Variants in BAZ2A observed in about 807,000 individuals in gnomAD.
BAZ2A encodes the protein bromodomain adjacent to zinc finger domain protein 2A.
BAZ2A carries 34 observed loss-of-function variants against 199.9 expected under a neutral mutation model. The observed-to-expected ratio is 0.17, with a 90% CI of 0.13 to 0.23. The LOEUF (loss-of-function observed/expected upper bound fraction) is 0.23, where lower values mean the gene tolerates loss of function less well. Among genes scored for constraint, BAZ2A ranks in the 10% least tolerant of loss-of-function variants. The pLI, the probability that BAZ2A is intolerant of heterozygous loss-of-function variation, is 1.00. For synonymous variants in BAZ2A, 857 were observed against 883.9 expected, an observed-to-expected ratio of 0.97 and a Z score of 0.54; for missense variants, 2,002 against 2,391.1, an observed-to-expected ratio of 0.84 and a Z score of 3.39.
chr12:56,613,106 G>A lies in BAZ2A; in HGVS notation c.1044C>T (p.Ala348=), dbSNP rs536685670. ...GACTATCATCTGCCAGGAGACTGAA[G>A]GCAGTAGCATTATTGAGGGAAGGGC... ...LDCPSLNNAT[A]FSLLADDSQT... Residue 348 remains alanine (A), a synonymous_variant, in exon 5 of 29, where the codon GCC becomes GCT. Coordinates refer to ENST00000549884, the MANE Select transcript of BAZ2A (RefSeq NM_001300905.2). 3 of 1,614,008 alleles carry A rather than the reference G, an allele frequency of 1.9e-6. No homozygotes were observed. The highest frequency in any genetic ancestry group is 2.5e-6 in the Non-Finnish European group (3 of 1,179,904).
chr12:56,601,431 G>T, intron 20 of BAZ2A, 29 bp from the exon 21 acceptor site: 1 of 1,602,652 alleles, frequency 6.2e-7, no homozygotes, highest in South Asian at 1.1e-5. Context: ...ATAAGGAAAT[G>T]AGGATGTTTT....
chr12:56,634,547 C>G (rs1022205707), upstream of BAZ2A, among the ~76,000 whole-genome samples: 6 of 152,228 alleles, frequency 3.9e-5, no homozygotes, highest in African/African-American at 1.2e-4. Flanking sequence ...CCCCCGCCCC[C>G]CTTACTACGG....
Position 56,603,564 on chromosome 12 carries a change from ACTC to A in BAZ2A, c.3172_3174del (p.Glu1058del), listed in dbSNP as rs745560390. 10 of 1,613,544 alleles carry A rather than the reference ACTC, an allele frequency of 6.2e-6. No individual in the cohort carries two copies. In the South Asian group the frequency reaches 6.6e-5, roughly 11 times the overall value. On this transcript the variant is annotated inframe_deletion, in exon 17 of 29. Transcript: ENST00000549884. ...CTGCGGCCAGGGACAGCTGCTATAG[ACTC>A]CTCTTCTTCCTCTTCTTCCATGCCA...
Position 56,598,735 on chromosome 12 carries a change from G to C in BAZ2A, c.5595C>G (p.Asp1865Glu). The change falls in exon 29 of 29, where the codon GAC becomes GAG. Residue 1865 changes from aspartate to glutamate, a missense_variant. By Grantham distance (45) the Asp-to-Glu change is conservative (BLOSUM62 2). Coordinates refer to ENST00000549884, the MANE Select transcript of BAZ2A (RefSeq NM_001300905.2). Reference protein sequence around the residue: ...EFAADALLVFDNCQTFNEDDS... With the variant: ...EFAADALLVFENCQTFNEDDS... ...CATCCTCGTTGAAAGTCTGGCAGTT[G>C]TCAAATACCAGGAGGGCATCAGCCG... 1.9e-6 allele frequency: 3 copies of C among 1,613,282 alleles called. No individual in the cohort carries two copies. Among genetic ancestry groups the C allele is most frequent in the Non-Finnish European group, 2.5e-6 (3 of 1,179,612 alleles).
At chr12:56,620,573 T>G (rs1470377662) in intron 1 of BAZ2A, among the ~76,000 whole-genome samples, 1 of 151,918 alleles carries the variant, frequency 6.6e-6, no homozygotes, top group Non-Finnish European at 1.5e-5. Flanking sequence ...CTTTTTTTTT[T>G]TTTGAGACAG....
intron 2 of BAZ2A, among the ~76,000 whole-genome samples, chr12:56,616,818 T>A (rs951363863): frequency 6.6e-6 from 1 of 152,118 alleles, no homozygotes; most frequent in Non-Finnish European, 1.5e-5. Context: ...TGGCGAGTCA[T>A]GGTACAGAGC....
rs969142687 is a variant in BAZ2A at position 56,605,163 on chromosome 12, A to C, written c.2658T>G (p.Cys886Trp). 1.2e-6 allele frequency: 2 copies of C among 1,613,712 alleles called. No homozygotes were observed. The highest frequency in any genetic ancestry group is 2.7e-5 in the African/African-American group (2 of 74,880). Residue 886 changes from cysteine to tryptophan, a missense_variant, in exon 14 of 29, where the codon TGT (cysteine) becomes TGG (tryptophan). This residue lies in a region of BAZ2A where 1,081 missense variants were observed against 1,274.7 expected (regional missense o/e 0.85). Transcript: ENST00000549884. ...SLGVLQEGLL[C>W]QGDSLGEVQD... ...GCACCTCACCCAAGCTGTCACCTTG[A>C]CACAGGAGTCCCTCCTGCAGGACCC...
intron 4 of BAZ2A, 91 bp downstream of exon 4, chr12:56,613,862 G>A: frequency 7.2e-7 from 1 of 1,381,636 alleles, no homozygotes; most frequent in South Asian, 1.4e-5. Flanking sequence ...GCCCCTGATT[G>A]CCTAATACTT....
intron 1 of BAZ2A, among the ~76,000 whole-genome samples, chr12:56,623,687 G>T (rs1287580310): frequency 6.6e-6 from 1 of 152,112 alleles, no homozygotes; most frequent in Non-Finnish European, 1.5e-5. Flanking sequence ...CTGAAGGTAT[G>T]TGCTACTGGC....
chr12:56,636,040 C>T (rs1951440682), intron 1 of BAZ2A: 3 of 1,055,152 alleles, frequency 2.8e-6, no homozygotes, highest in Middle Eastern at 2.6e-4. Flanking sequence ...CTAGCTGAGC[C>T]CTGTGCCCCC....
chr12:56,636,045 G>A (rs968922630), intron 1 of BAZ2A: 21 of 1,099,106 alleles, frequency 1.9e-5, no homozygotes, highest in Non-Finnish European at 2.6e-5. Context: ...TGAGCCCTGT[G>A]CCCCCCGTCC....
upstream of BAZ2A, among the ~76,000 whole-genome samples, chr12:56,634,434 G>A (rs571570416): frequency 6.6e-6 from 1 of 152,310 alleles, no homozygotes; most frequent in African/African-American, 2.4e-5. Context: ...CAAGCTCCCG[G>A]AGATGTAGGG....
intron 1 of BAZ2A, among the ~76,000 whole-genome samples, chr12:56,617,819 G>A (rs1296582265): frequency 1.3e-5 from 2 of 152,142 alleles, no homozygotes. Context: ...TCTTCCCTCT[G>A]TGTAAGCCCC....
In BAZ2A at chr12:56,615,568, A is replaced by G. The variant is rs775687206; in HGVS notation, c.176T>C (p.Val59Ala). The G allele has an allele frequency of 3.1e-6, 5 of 1,612,072 alleles. No homozygotes were observed. The highest frequency in any genetic ancestry group is 4.2e-6 in the Non-Finnish European group (5 of 1,179,284). Residue 59 changes from valine to alanine, a missense_variant, in exon 3 of 29, where the codon GTA becomes GCA. Around this residue, in one of 6 missense-constraint regions of BAZ2A, gnomAD observed 641 missense variants for 694.5 expected, o/e 0.92. Transcript: ENST00000549884. ...AATCCCTGAAGTAGTAGTGTGAGAT[A>G]CAGTAGATAAGCCATTAACATTCAC... ...GDVNVNGLSTVSHTTTSGILN... is the reference protein window; with the variant it reads ...GDVNVNGLSTASHTTTSGILN...
chr12:56,628,684 T>C (rs1263438678), intron 1 of BAZ2A, among the ~76,000 whole-genome samples: 1 of 152,162 alleles, frequency 6.6e-6, no homozygotes, highest in African/African-American at 2.4e-5. Flanking sequence ...TCCTCACCCC[T>C]TCCTCTTCGT....
intron 1 of BAZ2A, among the ~76,000 whole-genome samples, chr12:56,625,329 T>C (rs1951052887): frequency 6.6e-6 from 1 of 151,868 alleles, no homozygotes; most frequent in Admixed American, 6.6e-5. Context: ...CTAATTTTCA[T>C]ATTTTTAGTA....
intron 4 of BAZ2A, 54 bp downstream of exon 4, chr12:56,613,899 A>G: frequency 6.5e-7 from 1 of 1,535,442 alleles, no homozygotes; most frequent in South Asian, 1.2e-5. Flanking sequence ...TCTTTCAGGT[A>G]AAGTTTGGCT....
In BAZ2A at chr12:56,630,168, C is replaced by T. The variant is rs1951259998; in HGVS notation, c.-46G>A. The T allele has an allele frequency of 3.0e-6, 3 of 985,614 alleles. No individual in the cohort carries two copies. The highest frequency in any genetic ancestry group is 3.6e-6 in the Non-Finnish European group (3 of 830,046). The allele number at this position is 985,614 out of a possible 1,614,324, so 61.1% of individuals were successfully genotyped here. ...GCCGGGCTCGGGGCTCGTCTCTCCCCGGGGTACAAGCGGTTCACATGGCCG... is the reference window on the plus strand; with the variant it reads ...GCCGGGCTCGGGGCTCGTCTCTCCCTGGGGTACAAGCGGTTCACATGGCCG... On this transcript the variant is annotated 5_prime_UTR_variant, in exon 1 of 29. Coordinates refer to ENST00000549884, the MANE Select transcript of BAZ2A (RefSeq NM_001300905.2).
chr12:56,626,074 A>C (rs1354897566), intron 1 of BAZ2A, among the ~76,000 whole-genome samples: 1 of 152,168 alleles, frequency 6.6e-6, no homozygotes, highest in Non-Finnish European at 1.5e-5. Context: ...ATATCTTCAA[A>C]GATGGGCTTT....
Sources: gnomAD v4.1 joint callset for allele counts (sites outside exome capture counted in the v4.1 genomes callset) on GRCh38, gnomAD v4.1.1 for gene constraint, gnomAD v4.1.1 regional missense constraint, MANE v1.5 for transcripts, NCBI Gene and HGNC (gene_info 2026-07-23, HGNC 2026-07-21) for gene names.